The following CCSER1 variants were observed in gnomAD, a reference collection of about 807,000 sequenced individuals.
The protein encoded by CCSER1 is coiled-coil serine rich protein 1, also known as serine-rich coiled-coil domain-containing protein 1.
A neutral mutation model predicts 82.0 loss-of-function variants in CCSER1; 41 were observed. The observed-to-expected ratio is 0.50, with a 90% confidence interval of 0.39 to 0.65. The LOEUF (loss-of-function observed/expected upper bound fraction) is 0.65. CCSER1 is among the 30% of genes least tolerant of loss of function. CCSER1 has a pLI of 0.00. For synonymous variants in CCSER1, 414 were observed against 383.9 expected (o/e 1.08, Z -0.92); for missense variants, 1,119 against 1,064.2 (o/e 1.05, Z -0.72).
intron 10 of CCSER1, among the ~76,000 whole-genome samples, chr4:91,449,728 T>C (rs1159630560): frequency 6.6e-6 from 1 of 151,998 alleles, no homozygotes; most frequent in African/African-American, 2.4e-5. Flanking sequence ...TTTCGTTAAT[T>C]GTTTTGTATT....
chr4:91,076,607 T>C (rs1371419353), intron 9 of CCSER1, among the ~76,000 whole-genome samples: 1 of 152,184 alleles, frequency 6.6e-6, no homozygotes, highest in African/African-American at 2.4e-5. Flanking sequence ...TTTTGTAAAC[T>C]TTAATTTCCT....
At chr4:90,288,267 C>A (rs1158409400) in intron 1 of CCSER1, among the ~76,000 whole-genome samples, 1 of 151,908 alleles carries the variant, frequency 6.6e-6, no homozygotes, top group Non-Finnish European at 1.5e-5. Flanking sequence ...TCCCTTTACT[C>A]ACACTGCTAC....
At chr4:91,446,723 A>C (rs1755590919) in intron 10 of CCSER1, among the ~76,000 whole-genome samples, 1 of 146,878 alleles carries the variant, frequency 6.8e-6, no homozygotes, top group African/African-American at 2.5e-5. Context: ...ACTTGATATT[A>C]TTTTTAAATA....
chr4:90,758,493 G>GA (rs1749906631), intron 7 of CCSER1, among the ~76,000 whole-genome samples: 1 of 151,716 alleles, frequency 6.6e-6, no homozygotes, highest in Admixed American at 6.6e-5. Flanking sequence ...ATTTCTTTGG[G>GA]AAAAAAAGAC....
chr4:91,147,977 T>G (rs75406051), intron 10 of CCSER1, among the ~76,000 whole-genome samples: 1 of 152,322 alleles, frequency 6.6e-6, no homozygotes, highest in Non-Finnish European at 1.5e-5. Flanking sequence ...TTAGTAGATA[T>G]AGATTTTATT....
chr4:90,644,764 C>T (rs955573977), intron 6 of CCSER1, among the ~76,000 whole-genome samples: 1 of 151,936 alleles, frequency 6.6e-6, no homozygotes, highest in Non-Finnish European at 1.5e-5. Context: ...TAATGGCTTC[C>T]AGCTCCATCT....
chr4:91,310,413 A>AC (rs1297852520), intron 10 of CCSER1, among the ~76,000 whole-genome samples: 1 of 151,440 alleles, frequency 6.6e-6, no homozygotes, highest in Non-Finnish European at 1.5e-5. Context: ...AAAAAAAAAA[A>AC]ATCTCATAAT....
intron 3 of CCSER1, among the ~76,000 whole-genome samples, chr4:90,368,221 A>T (rs981790832): frequency 6.6e-6 from 1 of 151,996 alleles, no homozygotes; most frequent in Non-Finnish European, 1.5e-5. Context: ...ACAAGCTGTT[A>T]AACAGGCAGA....
chr4:91,567,628 G>A (rs992027330), intron 10 of CCSER1, among the ~76,000 whole-genome samples: 3 of 152,058 alleles, frequency 2.0e-5, no homozygotes, highest in African/African-American at 4.8e-5. Flanking sequence ...TTGCCATTAT[G>A]TAATGCCCTT....
At chr4:90,128,593 A>G (rs1722260226) in intron 1 of CCSER1, among the ~76,000 whole-genome samples, 1 of 152,034 alleles carries the variant, frequency 6.6e-6, no homozygotes, top group South Asian at 2.1e-4. Context: ...CTGAAACCGC[A>G]TGTGGCCCCC....
chr4:91,139,608 T>A (rs1728832195), intron 10 of CCSER1, among the ~76,000 whole-genome samples: 1 of 152,158 alleles, frequency 6.6e-6, no homozygotes. Context: ...TCCTGAAGTG[T>A]TCTGATTAAT....
At chr4:90,994,222 G>A (rs1264747446) in intron 9 of CCSER1, among the ~76,000 whole-genome samples, 1 of 144,612 alleles carries the variant, frequency 6.9e-6, no homozygotes, top group Non-Finnish European at 1.5e-5. Context: ...TACAAAAAAA[G>A]GAAGAAAAAA....
At chr4:90,750,450 G>T (rs906370119) in intron 7 of CCSER1, among the ~76,000 whole-genome samples, 2 of 152,062 alleles carry the variant, frequency 1.3e-5, no homozygotes, top group South Asian at 2.1e-4. Context: ...CTTTTCTAAG[G>T]TCCCAGAGTA....
At chr4:90,781,190 C>G in intron 7 of CCSER1, 1 of 867,368 alleles carries the variant, frequency 1.2e-6, no homozygotes, top group Non-Finnish European at 1.4e-6. Flanking sequence ...GGGATCACAA[C>G]TCGACATGAG....
intron 10 of CCSER1, among the ~76,000 whole-genome samples, chr4:91,381,108 T>G (rs993903282): frequency 4.6e-5 from 7 of 152,162 alleles, no homozygotes. Flanking sequence ...GCTTCTGCCA[T>G]GAGATCCGCC....
intron 10 of CCSER1, among the ~76,000 whole-genome samples, chr4:91,266,274 C>T (rs1741570077): frequency 6.6e-6 from 1 of 151,240 alleles, no homozygotes; most frequent in South Asian, 2.1e-4. Flanking sequence ...TTTTTTGAGA[C>T]AGAGTCTCAC....
intron 10 of CCSER1, among the ~76,000 whole-genome samples, chr4:91,164,948 A>G (rs907591523): frequency 5.9e-5 from 9 of 152,212 alleles, no homozygotes; most frequent in African/African-American, 2.2e-4. Flanking sequence ...CGTCAAAGTC[A>G]TTCTCCGTCC....
At chr4:91,156,139 T>C (rs979030534) in intron 10 of CCSER1, among the ~76,000 whole-genome samples, 4 of 151,764 alleles carry the variant, frequency 2.6e-5, no homozygotes, top group Non-Finnish European at 5.9e-5. Flanking sequence ...ATATATGATA[T>C]TGATAATTGT....
chr4:90,537,304 C>T (rs1775528855), intron 5 of CCSER1, among the ~76,000 whole-genome samples: 1 of 151,898 alleles, frequency 6.6e-6, no homozygotes, highest in African/African-American at 2.4e-5. Flanking sequence ...TCTCTCTGAC[C>T]CTTTTACTTT....
Sources: allele counts gnomAD v4.1 joint callset (sites outside exome capture counted in the v4.1 genomes callset), GRCh38; gene constraint gnomAD v4.1.1; transcripts MANE v1.5; gene names NCBI Gene and HGNC (gene_info 2026-07-23, HGNC 2026-07-21).